Variants in PPP2R2C observed in about 807,000 individuals in gnomAD.
The protein encoded by PPP2R2C is protein phosphatase 2 regulatory subunit Bgamma, also known as protein phosphatase 2, regulatory subunit B, gamma.
A neutral mutation model predicts 45.3 loss-of-function variants in PPP2R2C; 10 were observed. The observed-to-expected ratio is 0.22, with a 90% CI of 0.14 to 0.37. PPP2R2C has a LOEUF of 0.37. Ranked by LOEUF, PPP2R2C falls within the 10% of genes least tolerant of loss-of-function variation. The pLI is 1.00. For missense variants in PPP2R2C, 308 were observed against 619.7 expected (o/e 0.50, Z 5.34); for synonymous variants, 257 against 245.4 (o/e 1.05, Z -0.44).
chr4:6,491,000 T>A (rs1722683917), intron 2 of PPP2R2C, among the ~76,000 whole-genome samples: 1 of 152,004 alleles, frequency 6.6e-6, no homozygotes, highest in African/African-American at 2.4e-5. Flanking sequence ...GCCCCAGACC[T>A]CTCCTGAACG....
At position 6,425,036 on chromosome 4, in the gene PPP2R2C, C is replaced by T. The variant is rs535387705; in HGVS notation, c.71-43942G>A. Among the ~76,000 whole-genome samples, 5 of 152,326 alleles carry T rather than the reference C, an allele frequency of 3.3e-5. No homozygotes were observed. In the East Asian group the frequency reaches 9.7e-4, roughly 29 times the overall value. On this transcript the variant is annotated intron_variant, in intron 1 of 8. Coordinates refer to ENST00000382599, the MANE Select transcript of PPP2R2C (RefSeq NM_020416.4). ...ATGCCTGAGTGGTGTGGGCAAAGAG[C>T]TTAGCACGTGCCTGGCAGCCAGAGG...
intron 1 of PPP2R2C, among the ~76,000 whole-genome samples, chr4:6,562,367 C>G (rs1209565165): frequency 6.6e-6 from 1 of 152,116 alleles, no homozygotes. Flanking sequence ...CTGGAGCTCT[C>G]CCACTGGCAG....
intron 2 of PPP2R2C, among the ~76,000 whole-genome samples, chr4:6,534,014 A>C (rs1724494737): frequency 7.0e-6 from 1 of 143,100 alleles, no homozygotes; most frequent in Non-Finnish European, 1.6e-5. Context: ...CAATATACAC[A>C]CACCCCAACA....
At chr4:6,449,710 G>A (rs1284070932) in intron 1 of PPP2R2C, among the ~76,000 whole-genome samples, 2 of 152,208 alleles carry the variant, frequency 1.3e-5, no homozygotes, top group Non-Finnish European at 2.9e-5. Context: ...TGCCACCCTG[G>A]TCCCTGTCCC....
chr4:6,518,532 A>C (rs529495536), intron 2 of PPP2R2C, among the ~76,000 whole-genome samples: 1 of 152,366 alleles, frequency 6.6e-6, no homozygotes, highest in African/African-American at 2.4e-5. Context: ...CTATGCCCAC[A>C]AATTTAATAA....
At chr4:6,469,719 T>C (rs575313748) in intron 1 of PPP2R2C, among the ~76,000 whole-genome samples, 1 of 152,208 alleles carries the variant, frequency 6.6e-6, no homozygotes, top group African/African-American at 2.4e-5. Context: ...TTTAACATGA[T>C]TCAAGTCTGA....
At chr4:6,359,059 G>A (rs1276421759) in intron 5 of PPP2R2C, among the ~76,000 whole-genome samples, 10 of 152,220 alleles carry the variant, frequency 6.6e-5, no homozygotes, top group Non-Finnish European at 1.2e-4. Flanking sequence ...TGTTTATTGC[G>A]GCGCTATTCA....
intron 2 of PPP2R2C, among the ~76,000 whole-genome samples, chr4:6,480,536 A>G (rs1722314893): frequency 6.6e-6 from 1 of 152,168 alleles, no homozygotes; most frequent in African/African-American, 2.4e-5. Context: ...CCATTAATGT[A>G]TTATTTCTTC....
rs770450357 is a variant in PPP2R2C, at chr4:6,364,109, C to G, written c.625+8414G>C. Reference sequence around the variant, plus strand: ...GGAGAGGCGGGAAATGAACAGGGAACGAGGTAGAGGCCAAGCCTCTAGGGA... The same window carrying G: ...GGAGAGGCGGGAAATGAACAGGGAAGGAGGTAGAGGCCAAGCCTCTAGGGA... On this transcript the variant is annotated intron_variant, in intron 5 of 8. Transcript: ENST00000382599. The surrounding 1 kb of genome is among the most constrained non-coding windows in gnomAD (Gnocchi z 5.3). Among the ~76,000 whole-genome samples the G allele has an allele frequency of 4.6e-5, 7 of 152,110 alleles. No homozygotes were observed. The highest frequency in any genetic ancestry group is 8.8e-5 in the Non-Finnish European group (6 of 68,018).
At chr4:6,349,359 C>T (rs1712318180) in intron 5 of PPP2R2C, 3 of 975,058 alleles carry the variant, frequency 3.1e-6, no homozygotes, top group African/African-American at 3.5e-5. Flanking sequence ...TCAGCTTCCT[C>T]ATCTGTAAAA....
chr4:6,519,035 T>A (rs959801376), intron 2 of PPP2R2C, among the ~76,000 whole-genome samples: 1 of 151,536 alleles, frequency 6.6e-6, no homozygotes, highest in Non-Finnish European at 1.5e-5. Context: ...CCCAGATGGG[T>A]TCACTGGTGA....
chr4:6,381,624 C>T (rs1715802332), intron 1 of PPP2R2C: 7 of 1,489,662 alleles, frequency 4.7e-6, no homozygotes, highest in Non-Finnish European at 3.6e-6. Flanking sequence ...TGCTCTGTGG[C>T]CCCACCTCCA....
intron 5 of PPP2R2C, among the ~76,000 whole-genome samples, chr4:6,366,156 T>C (rs1714284489): frequency 6.6e-6 from 1 of 152,212 alleles, no homozygotes; most frequent in South Asian, 2.1e-4. Flanking sequence ...GGGCTCCAAT[T>C]AGGCACCAGG....
chr4:6,486,660 G>T (rs967301848), intron 2 of PPP2R2C, among the ~76,000 whole-genome samples: 1 of 151,962 alleles, frequency 6.6e-6, no homozygotes, highest in Non-Finnish European at 1.5e-5. Context: ...GATTAATATA[G>T]CCACTGCAGC....
At chr4:6,412,041 G>A (rs778065118) in intron 1 of PPP2R2C, among the ~76,000 whole-genome samples, 1 of 152,224 alleles carries the variant, frequency 6.6e-6, no homozygotes, top group Admixed American at 6.5e-5. Context: ...CTCAGAGCTA[G>A]TTCCATGATG....
chr4:6,413,416 C>G (rs1718320864), intron 1 of PPP2R2C, among the ~76,000 whole-genome samples: 2 of 152,244 alleles, frequency 1.3e-5, no homozygotes, highest in South Asian at 4.1e-4. Flanking sequence ...TACTCAGGGT[C>G]AAAGCTACTC....
chr4:6,398,444 T>C (rs558797999), intron 1 of PPP2R2C, among the ~76,000 whole-genome samples: 1 of 152,118 alleles, frequency 6.6e-6, no homozygotes, highest in East Asian at 1.9e-4. Flanking sequence ...AGGCAAAAGA[T>C]TTGGGCAGAC....
In PPP2R2C at chr4:6,490,777, C is replaced by T. The variant is rs375046402; in HGVS notation, c.49+44494G>A. Among the ~76,000 whole-genome samples the T allele has an allele frequency of 2.6e-4, 39 of 152,288 alleles. 1 individual carries two copies. Among genetic ancestry groups the T allele is most frequent in the African/African-American group, 8.7e-4 (36 of 41,548 alleles). On this transcript the variant is annotated intron_variant, in intron 2 of 9. Coordinates refer to the PPP2R2C transcript ENST00000506140. ...AGGAACATCAGCCATGGCGAGAAGC[C>T]GAGGTTGCAGCCCCGCTCCCATGCC...
chr4:6,323,492 CG>C lies in PPP2R2C; in HGVS notation c.1153del (p.Arg385GlyfsTer58). On this transcript the variant is annotated frameshift_variant, in exon 9 of 9. Coordinates refer to ENST00000382599, the MANE Select transcript of PPP2R2C (RefSeq NM_020416.4). LOFTEE classifies it high-confidence loss of function. Reference protein sequence around the residue: ...LEASRESSKPRAVLKPRRVCV... With the variant: ...LEASRESSKPXAVLKPRRVCV... ...CACGCGCCGTGGCTTGAGCACAGCC[CG>C]GGGCTTGCTGCTTTCCCTCGAGGCC... The C allele has an allele frequency of 6.2e-7, 1 of 1,609,264 alleles. No individual in the cohort carries two copies. The highest frequency in any genetic ancestry group is 8.5e-7 in the Non-Finnish European group (1 of 1,176,024).
Sources: allele counts gnomAD v4.1 joint callset (sites outside exome capture counted in the v4.1 genomes callset), GRCh38; gene constraint gnomAD v4.1.1; non-coding constraint Gnocchi (gnomAD v3.1); transcripts MANE v1.5; gene names NCBI Gene and HGNC (gene_info 2026-07-23, HGNC 2026-07-21).